Variants in HMGCLL1 observed in about 807,000 individuals in gnomAD.
The protein encoded by HMGCLL1 is 3-hydroxymethyl-3-methylglutaryl-CoA lyase, cytoplasmic.
A neutral mutation model predicts 39.1 loss-of-function variants in HMGCLL1; 36 were observed. The observed-to-expected ratio is 0.92, with a 90% confidence interval of 0.71 to 1.22. The LOEUF is 1.22. HMGCLL1 is among the 50% of genes most tolerant of loss of function. The pLI is 0.00. For synonymous variants in HMGCLL1, 149 were observed against 144.0 expected (o/e 1.03, Z -0.25); for missense variants, 451 against 416.5 (o/e 1.08, Z -0.72).
rs373995403 is a variant in HMGCLL1 at position 55,455,300 on chromosome 6, T to C, written c.796-15741A>G. ...AACAAGATATTTATCTTAACAATGG[T>C]ATTAATTTTTTAAAGCATTGGGTAC... On this transcript the variant is annotated intron_variant, in intron 7 of 8. Transcript: ENST00000274901. Among the ~76,000 whole-genome samples, 31 of 152,166 alleles carry C rather than the reference T, an allele frequency of 2.0e-4. No individual in the cohort carries two copies. The East Asian group carries it at 5.0e-3, about 25-fold the overall frequency.
At chr6:55,486,048 G>A (rs1388158977) in intron 7 of HMGCLL1, among the ~76,000 whole-genome samples, 1 of 149,946 alleles carries the variant, frequency 6.7e-6, no homozygotes, top group Non-Finnish European at 1.5e-5. Flanking sequence ...ATACACACAA[G>A]TTAAGGGTAG....
intron 1 of HMGCLL1, among the ~76,000 whole-genome samples, chr6:55,563,197 G>A (rs942252799): frequency 4.6e-5 from 7 of 151,924 alleles, no homozygotes; most frequent in African/African-American, 1.4e-4. Context: ...ATAAACACTC[G>A]GAAAGTATTC....
chr6:55,508,092 C>T (rs1228787295), intron 5 of HMGCLL1, among the ~76,000 whole-genome samples: 1 of 151,718 alleles, frequency 6.6e-6, no homozygotes, highest in Non-Finnish European at 1.5e-5. Flanking sequence ...AACACAACAG[C>T]CATCTTCCAG....
chr6:55,438,013 C>T (rs564105542), intron 8 of HMGCLL1, among the ~76,000 whole-genome samples: 2 of 151,854 alleles, frequency 1.3e-5, no homozygotes, highest in Non-Finnish European at 2.9e-5. Context: ...ATGTAGCAAC[C>T]CTTGGATGTT....
chr6:55,441,010 A>C (rs1244952104), intron 7 of HMGCLL1, among the ~76,000 whole-genome samples: 1 of 152,184 alleles, frequency 6.6e-6, no homozygotes, highest in Admixed American at 6.6e-5. Context: ...ATTCAATGAT[A>C]CTTATTAAAG....
At chr6:55,648,957 A>G in the HMGCLL1 span, among the ~76,000 whole-genome samples, 1 of 151,248 alleles carries the variant, frequency 6.6e-6, no homozygotes. Context: ...CATTGATGCA[A>G]AAATCCTCAA....
chr6:55,634,844 A>G, the HMGCLL1 span, among the ~76,000 whole-genome samples: 5 of 152,132 alleles, frequency 3.3e-5, no homozygotes, highest in Admixed American at 6.6e-5. Flanking sequence ...AATAAAATCA[A>G]CACTGCTTAA....
intron 7 of HMGCLL1, among the ~76,000 whole-genome samples, chr6:55,450,575 A>G (rs7741975): frequency 0.3 from 45,973 of 152,090 alleles, 7,348 homozygotes; most frequent in African/African-American, 0.42. Context: ...TATATAACAA[A>G]GATGTGGAGG....
intron 5 of HMGCLL1, among the ~76,000 whole-genome samples, chr6:55,503,483 T>C (rs956834575): frequency 6.6e-6 from 1 of 151,440 alleles, no homozygotes; most frequent in Non-Finnish European, 1.5e-5. Context: ...CCTGAGACTT[T>C]TTTTTTCTCA....
At chr6:55,472,423 G>C (rs1356349386) in intron 7 of HMGCLL1, among the ~76,000 whole-genome samples, 2 of 151,262 alleles carry the variant, frequency 1.3e-5, no homozygotes, top group African/African-American at 4.8e-5. Context: ...CACCTTTTCT[G>C]TGCAGTGTCT....
Position 55,471,773 on chromosome 6 carries a change from A to T in HMGCLL1, c.795+23646T>A, listed in dbSNP as rs139068104. Among the ~76,000 whole-genome samples the T allele has an allele frequency of 5.0e-3, 764 of 151,730 alleles. 5 individuals carry two copies. Among genetic ancestry groups the T allele is most frequent in the Non-Finnish European group, 8.5e-3 (573 of 67,724 alleles). On this transcript the variant is annotated intron_variant, in intron 7 of 8. Coordinates refer to ENST00000274901, the MANE Select transcript of HMGCLL1 (RefSeq NM_001042406.2). ...CAGATCAATAAATGTTCACAAAGTT[A>T]AAACACCACTCAGGTCAGAAAATTG...
At chr6:55,566,611 A>T (rs1327679276) in intron 1 of HMGCLL1, 1 of 455,944 alleles carries the variant, frequency 2.2e-6, no homozygotes, top group Non-Finnish European at 4.4e-6. Context: ...ACATCCTTCA[A>T]TGTTTCTACT....
rs1272546574 is a variant in HMGCLL1 at position 55,542,980 on chromosome 6, T to G, written c.109-840A>C. Among the ~76,000 whole-genome samples the G allele has an allele frequency of 3.5e-3, 381 of 110,074 alleles. 4 individuals carry two copies. Among genetic ancestry groups the G allele is most frequent in the African/African-American group, 0.015 (368 of 23,888 alleles). 72.2% of individuals were successfully genotyped at this position (110,074 alleles called of 152,430 possible). On this transcript the variant is annotated intron_variant, in intron 1 of 8. Coordinates refer to ENST00000274901, the MANE Select transcript of HMGCLL1 (RefSeq NM_001042406.2). ...AATAATATATAATATATATTATAAA[T>G]AATACAATATATATTATAAATTATT...
chr6:55,613,295 C>A, the HMGCLL1 span, among the ~76,000 whole-genome samples: 1 of 152,158 alleles, frequency 6.6e-6, no homozygotes, highest in Non-Finnish European at 1.5e-5. Context: ...CAAGAAACAA[C>A]AGATGCTTGT....
At chr6:55,505,573 T>C (rs1767113710) in intron 5 of HMGCLL1, among the ~76,000 whole-genome samples, 1 of 151,716 alleles carries the variant, frequency 6.6e-6, no homozygotes, top group Non-Finnish European at 1.5e-5. Flanking sequence ...GGAGTAATTC[T>C]GCTAAGATTC....
chr6:55,541,497 G>T (rs1561948264), intron 3 of HMGCLL1, among the ~76,000 whole-genome samples: 1 of 152,212 alleles, frequency 6.6e-6, no homozygotes, highest in Non-Finnish European at 1.5e-5. Context: ...CAACGGCCTT[G>T]TCCCCTATTC....
intron 7 of HMGCLL1, among the ~76,000 whole-genome samples, chr6:55,455,595 T>C (rs947547060): frequency 6.6e-6 from 1 of 151,996 alleles, no homozygotes; most frequent in Non-Finnish European, 1.5e-5. Context: ...TAAATGAGAG[T>C]TGTAGTTGCA....
chr6:55,557,376 G>A (rs189138652), intron 1 of HMGCLL1, among the ~76,000 whole-genome samples: 2 of 151,994 alleles, frequency 1.3e-5, no homozygotes, highest in East Asian at 1.9e-4. Context: ...CTGGCAGCGC[G>A]TCTGTGCTCC....
At chr6:55,644,566 AT>A in the HMGCLL1 span, among the ~76,000 whole-genome samples, 2 of 151,998 alleles carry the variant, frequency 1.3e-5, no homozygotes, top group African/African-American at 4.8e-5. Flanking sequence ...TTTTGATTTG[AT>A]TTTTGTATAA....
Sources: allele counts gnomAD v4.1 joint callset (sites outside exome capture counted in the v4.1 genomes callset), GRCh38; gene constraint gnomAD v4.1.1; transcripts MANE v1.5; gene names NCBI Gene and HGNC (gene_info 2026-07-23, HGNC 2026-07-21).